Variants in AAK1 observed in about 807,000 individuals in gnomAD.
AAK1 encodes AP2-associated protein kinase 1.
In AAK1, 37 loss-of-function variants were observed where a neutral mutation model predicts 116.0. The observed-to-expected ratio is 0.32, with a 90% CI of 0.25 to 0.42. The LOEUF (loss-of-function observed/expected upper bound fraction) is 0.42. AAK1 is among the 10% of genes least tolerant of loss of function. The pLI, the probability that AAK1 is intolerant of heterozygous loss-of-function variation, is 1.00. For missense variants in AAK1, 919 were observed against 1,170.6 expected, an observed-to-expected ratio of 0.79 and a Z score of 3.14; for synonymous variants, 458 against 439.9, an observed-to-expected ratio of 1.04 and a Z score of -0.51.
chr2:69,603,522 C>A (rs969394246), intron 2 of AAK1, among the ~76,000 whole-genome samples: 1 of 152,198 alleles, frequency 6.6e-6, no homozygotes, highest in African/African-American at 2.4e-5. Context: ...AACCAGCCAT[C>A]ACTGCAGAAG....
intron 12 of AAK1, among the ~76,000 whole-genome samples, chr2:69,515,255 C>T (rs1167573262): frequency 6.6e-6 from 1 of 152,182 alleles, no homozygotes; most frequent in African/African-American, 2.4e-5. Flanking sequence ...AAAATTATTT[C>T]CCAAGAGCTC....
At chr2:69,618,360 C>T (rs1224161025) in intron 2 of AAK1, among the ~76,000 whole-genome samples, 2 of 151,954 alleles carry the variant, frequency 1.3e-5, no homozygotes, top group South Asian at 2.1e-4. Flanking sequence ...ATTATAAATA[C>T]CTAACAATAA....
chr2:69,513,740 T>C (rs1306604504), intron 13 of AAK1, among the ~76,000 whole-genome samples: 2 of 152,204 alleles, frequency 1.3e-5, no homozygotes, highest in Non-Finnish European at 2.9e-5. Context: ...TCTAACACCA[T>C]AACATTTTCT....
rs533706581 is a variant in AAK1, at chr2:69,550,733, A to G, written c.282+6127T>C. On this transcript the variant is annotated intron_variant, in intron 3 of 21. Coordinates refer to ENST00000409085, the MANE Select transcript of AAK1 (RefSeq NM_014911.5). ...CCGGCTCAAGTGATTCTCTTGCCTC[A>G]GCCTCCTGAGTAGCTGGGATTACAT... Among the ~76,000 whole-genome samples the G allele has an allele frequency of 2.0e-4, 31 of 152,166 alleles. No homozygotes were observed. The South Asian group carries it at 6.0e-3, about 30-fold the overall frequency.
chr2:69,465,585 G>A lies in AAK1; in HGVS notation c.*10284C>T. On this transcript the variant is annotated 3_prime_UTR_variant, in exon 22 of 22. Coordinates refer to ENST00000409085, the MANE Select transcript of AAK1 (RefSeq NM_014911.5). ...AATTTTGTAGGCAGCAATGGGCTGG[G>A]CTTCTGGACTTGGCTCGTCTTCTGG... 1 of 1,291,010 alleles carries A rather than the reference G, an allele frequency of 7.7e-7. No individual in the cohort carries two copies. Among genetic ancestry groups the A allele is most frequent in the Non-Finnish European group, 1.0e-6 (1 of 988,898 alleles). The allele number at this position is 1,291,010 out of a possible 1,614,324, so 80.0% of individuals were successfully genotyped here.
Position 69,471,037 on chromosome 2 carries a change from A to G in AAK1, c.*4832T>C. ...TGTTCAAATTTCACGTTTTTACTGC[A>G]TAAGATATCTTCATGTACAACTGTA... is the stretch of plus-strand genomic sequence containing the variant. On this transcript the variant is annotated 3_prime_UTR_variant, in exon 22 of 22. Coordinates refer to ENST00000409085, the MANE Select transcript of AAK1 (RefSeq NM_014911.5). 1 of 985,798 alleles carries G rather than the reference A, an allele frequency of 1.0e-6. No individual in the cohort carries two copies. Among genetic ancestry groups the G allele is most frequent in the Non-Finnish European group, 1.2e-6 (1 of 829,928 alleles). 61.1% of individuals were successfully genotyped at this position (985,798 alleles called of 1,614,324 possible).
rs1205222127 is a variant in AAK1 at position 69,592,182 on chromosome 2, G to A, written c.164-35204C>T. Among the ~76,000 whole-genome samples the A allele has an allele frequency of 2.6e-5, 4 of 152,302 alleles. No homozygotes were observed. In the South Asian group the frequency reaches 8.3e-4, roughly 32 times the overall value. ...AATTTTCAAGAAATAGTCGACCTGA[G>A]TATTCCACTCAGCCAATGACTGGTC... On this transcript the variant is annotated intron_variant, in intron 2 of 21. Coordinates refer to ENST00000409085, the MANE Select transcript of AAK1 (RefSeq NM_014911.5).
At chr2:69,561,122 C>T (rs149514652) in intron 2 of AAK1, among the ~76,000 whole-genome samples, 1,644 of 152,260 alleles carry the variant, frequency 0.011, 34 homozygotes, top group African/African-American at 0.038. Context: ...TTCAGGTCAC[C>T]ATAGCACAGA....
intron 15 of AAK1, 117 bp from the exon 16 acceptor site, chr2:69,505,790 A>C (rs991618373): frequency 7.9e-6 from 5 of 629,154 alleles, no homozygotes; most frequent in Non-Finnish European, 1.4e-5. Flanking sequence ...CTTTTACTGC[A>C]TTATGGCGAC....
At chr2:69,509,811 T>C (rs955920570) in intron 13 of AAK1, among the ~76,000 whole-genome samples, 5 of 152,206 alleles carry the variant, frequency 3.3e-5, no homozygotes, top group African/African-American at 7.2e-5. Context: ...AAAGGACCAC[T>C]TTCTATTTCT....
chr2:69,531,743 C>A, intron 6 of AAK1: 1 of 1,118,180 alleles, frequency 8.9e-7, no homozygotes, highest in Non-Finnish European at 1.1e-6. Flanking sequence ...GGTGTGTGCA[C>A]CTCTCAGCTT....
intron 17 of AAK1, among the ~76,000 whole-genome samples, chr2:69,488,219 T>C (rs1362342572): frequency 6.6e-6 from 1 of 151,778 alleles, no homozygotes; most frequent in African/African-American, 2.4e-5. Context: ...TATTGGGTAC[T>C]ATGTTCAGTA....
intron 3 of AAK1, among the ~76,000 whole-genome samples, chr2:69,554,065 C>T (rs1340050830): frequency 6.6e-6 from 1 of 151,334 alleles, no homozygotes; most frequent in Non-Finnish European, 1.5e-5. Flanking sequence ...TAACTGAGAC[C>T]CCATCTCAAA....
chr2:69,563,353 G>T (rs1349640736), intron 2 of AAK1, among the ~76,000 whole-genome samples: 1 of 152,166 alleles, frequency 6.6e-6, no homozygotes, highest in Non-Finnish European at 1.5e-5. Context: ...ATGGGAAACA[G>T]CTGGGCAAAT....
intron 2 of AAK1, among the ~76,000 whole-genome samples, chr2:69,575,633 A>T (rs750783208): frequency 5.9e-5 from 9 of 152,004 alleles, no homozygotes; most frequent in Non-Finnish European, 1.3e-4. Context: ...CATGTCGGCT[A>T]ATTTTTGTAA....
chr2:69,640,567 C>A (rs1449141634), intron 2 of AAK1, among the ~76,000 whole-genome samples: 1 of 152,194 alleles, frequency 6.6e-6, no homozygotes, highest in African/African-American at 2.4e-5. Flanking sequence ...CCTCCCTCAT[C>A]CATCTCAGAA....
chr2:69,643,382 G>C (rs1233971634), intron 1 of AAK1, 108 bp from the exon 2 acceptor site: 1 of 1,181,464 alleles, frequency 8.5e-7, no homozygotes, highest in Non-Finnish European at 1.1e-6. Flanking sequence ...AACGCTTCAT[G>C]TATTTTCCCG....
At chr2:69,517,639 C>G (rs1348934402) in intron 12 of AAK1, among the ~76,000 whole-genome samples, 2 of 151,726 alleles carry the variant, frequency 1.3e-5, no homozygotes, top group Admixed American at 6.6e-5. Context: ...CTGAGTAAGC[C>G]TCGAGAAATT....
At chr2:69,594,676 A>AT in intron 2 of AAK1, 1 of 581,334 alleles carries the variant, frequency 1.7e-6, no homozygotes, top group East Asian at 3.0e-5. Flanking sequence ...TTCTTGAAGG[A>AT]ATTTTTTTTA....
Sources: allele counts gnomAD v4.1 joint callset (sites outside exome capture counted in the v4.1 genomes callset), GRCh38; gene constraint gnomAD v4.1.1; transcripts MANE v1.5; gene names NCBI Gene and HGNC (gene_info 2026-07-23, HGNC 2026-07-21).